The following LRCH1 variants were observed in gnomAD, a reference collection of about 807,000 sequenced individuals.
LRCH1 encodes leucine rich repeats and calponin homology domain containing 1.
In LRCH1, 23 loss-of-function variants were observed where a neutral mutation model predicts 94.9. The observed-to-expected ratio is 0.24, with a 90% confidence interval of 0.17 to 0.34. The LOEUF (loss-of-function observed/expected upper bound fraction) is 0.34, where lower values mean the gene tolerates loss of function less well. Ranked by LOEUF, LRCH1 falls within the 10% of genes least tolerant of loss-of-function variation. The pLI, the probability that LRCH1 is intolerant of heterozygous loss-of-function variation, is 1.00. For missense variants in LRCH1, 790 were observed against 945.9 expected (o/e 0.84, Z 2.16); for synonymous variants, 364 against 354.9 (o/e 1.03, Z -0.29).
chr13:46,746,095 A>G (rs931519089), downstream of LRCH1, among the ~76,000 whole-genome samples: 2 of 152,266 alleles, frequency 1.3e-5, no homozygotes, highest in Admixed American at 6.5e-5. Flanking sequence ...GAGGAGGCAT[A>G]GTATTGTGGA....
intron 17 of LRCH1, among the ~76,000 whole-genome samples, chr13:46,726,572 C>T (rs1872825168): frequency 6.6e-6 from 1 of 152,210 alleles, no homozygotes; most frequent in Non-Finnish European, 1.5e-5. Context: ...CCCACACCAG[C>T]AAGGGCTGAG....
At chr13:46,589,705 A>G (rs1489372394) in intron 1 of LRCH1, among the ~76,000 whole-genome samples, 1 of 144,898 alleles carries the variant, frequency 6.9e-6, no homozygotes, top group Non-Finnish European at 1.5e-5. Context: ...GGTTCAAGTG[A>G]TTCTCCTGTC....
intron 1 of LRCH1, among the ~76,000 whole-genome samples, chr13:46,612,904 C>T (rs1471214937): frequency 1.3e-5 from 2 of 152,036 alleles, no homozygotes; most frequent in Non-Finnish European, 2.9e-5. Context: ...GTCATTTTAA[C>T]CTATTGAAGT....
chr13:46,681,211 C>G (rs556401774), intron 3 of LRCH1, among the ~76,000 whole-genome samples: 2 of 152,256 alleles, frequency 1.3e-5, no homozygotes, highest in African/African-American at 4.8e-5. Context: ...ATAGTGCATC[C>G]AAACATTGCA....
chr13:46,679,042 A>C (rs1041836684), intron 3 of LRCH1, among the ~76,000 whole-genome samples: 2 of 152,246 alleles, frequency 1.3e-5, no homozygotes, highest in Non-Finnish European at 2.9e-5. Context: ...TGTGATTTCC[A>C]TAATTTATAT....
chr13:46,682,319 T>C (rs1870361221), intron 4 of LRCH1, among the ~76,000 whole-genome samples: 1 of 152,048 alleles, frequency 6.6e-6, no homozygotes, highest in Non-Finnish European at 1.5e-5. Flanking sequence ...TGTGTCCTAA[T>C]CTCCTCTTCT....
chr13:46,585,570 A>C (rs1031381317), intron 1 of LRCH1, among the ~76,000 whole-genome samples: 5 of 151,744 alleles, frequency 3.3e-5, no homozygotes, highest in Non-Finnish European at 7.4e-5. Context: ...AAAAAAAAAA[A>C]ACAAAAAAAC....
intron 2 of LRCH1, among the ~76,000 whole-genome samples, chr13:46,651,949 GCGA>G (rs1195995735): frequency 5.6e-4 from 80 of 144,130 alleles, no homozygotes; most frequent in East Asian, 1.7e-3. Flanking sequence ...GTGCAGTGGC[GCGA>G]TCTCGGCTCA....
At chr13:46,582,648 CTT>C (rs551678501) in intron 1 of LRCH1, among the ~76,000 whole-genome samples, 830 of 23,292 alleles carry the variant, frequency 0.036, 13 homozygotes, top group African/African-American at 0.11. Flanking sequence ...CCATGCCCAG[CTT>C]TTTTTTTTTT....
intron 14 of LRCH1, 130 bp from the exon 15 acceptor site, chr13:46,712,395 A>C (rs911736595): frequency 2.9e-6 from 2 of 683,076 alleles, no homozygotes; most frequent in Non-Finnish European, 5.1e-6. Context: ...TTTGGCCAGG[A>C]CTTCATCACA....
chr13:46,564,310 C>T (rs1566145110), intron 1 of LRCH1, among the ~76,000 whole-genome samples: 1 of 152,212 alleles, frequency 6.6e-6, no homozygotes, highest in Non-Finnish European at 1.5e-5. Flanking sequence ...CTCCCGCCAA[C>T]CCACAAAGCC....
rs1165644740 is a variant in LRCH1 at position 46,744,716 on chromosome 13, G to A, written c.*2868G>A. On this transcript the variant is annotated 3_prime_UTR_variant, in exon 20 of 20. Transcript: ENST00000389797. ...CTGATTGAGTCATAAGGACAAAAGG[G>A]TGTTTTGCCTTTGCCTGTGGGGAAA... is the stretch of plus-strand genomic sequence containing the variant. 4.1e-6 allele frequency: 4 copies of A among 985,256 alleles called. No individual in the cohort carries two copies. The African/African-American group carries it at 7.0e-5, about 17-fold the overall frequency. 61.0% of individuals were successfully genotyped at this position (985,256 alleles called of 1,614,324 possible).
intron 2 of LRCH1, among the ~76,000 whole-genome samples, chr13:46,660,744 C>T (rs538985819): frequency 6.6e-6 from 1 of 152,226 alleles, no homozygotes; most frequent in South Asian, 2.1e-4. Context: ...TTCCCTAAAG[C>T]TTTGGTCTTC....
intron 1 of LRCH1, among the ~76,000 whole-genome samples, chr13:46,639,575 G>A (rs1161402875): frequency 5.3e-5 from 8 of 152,154 alleles, no homozygotes; most frequent in African/African-American, 1.9e-4. Flanking sequence ...GCCTCACAGT[G>A]GAAAGTTTCT....
chr13:46,612,837 C>T (rs951590098), intron 1 of LRCH1, among the ~76,000 whole-genome samples: 4 of 152,090 alleles, frequency 2.6e-5, no homozygotes, highest in Admixed American at 2.0e-4. Flanking sequence ...ATCTTTAAGG[C>T]TGCATATTTT....
At chr13:46,734,303 A>G (rs1250358250) in intron 19 of LRCH1, among the ~76,000 whole-genome samples, 3 of 152,206 alleles carry the variant, frequency 2.0e-5, no homozygotes, top group South Asian at 2.1e-4. Flanking sequence ...GAAATTGCTG[A>G]GGCTGTAAGT....
At chr13:46,575,523 T>A (rs2050294618) in intron 1 of LRCH1, among the ~76,000 whole-genome samples, 1 of 142,640 alleles carries the variant, frequency 7.0e-6, no homozygotes, top group South Asian at 2.1e-4. Context: ...TGTGTGTGTG[T>A]GTGTGTGTGT....
chr13:46,669,563 C>T (rs771102088), intron 3 of LRCH1, among the ~76,000 whole-genome samples: 10 of 152,152 alleles, frequency 6.6e-5, no homozygotes, highest in Non-Finnish European at 1.2e-4. Context: ...GAATGGGGTG[C>T]TCTGATTCTG....
intron 2 of LRCH1, among the ~76,000 whole-genome samples, chr13:46,667,398 A>C (rs1246040209): frequency 6.6e-6 from 1 of 151,988 alleles, no homozygotes; most frequent in East Asian, 1.9e-4. Context: ...AATGACATAT[A>C]TTCAGAAAAG....
Sources: gnomAD v4.1 joint callset for allele counts (sites outside exome capture counted in the v4.1 genomes callset) on GRCh38, gnomAD v4.1.1 for gene constraint, MANE v1.5 for transcripts, NCBI Gene and HGNC (gene_info 2026-07-23, HGNC 2026-07-21) for gene names.